ASIC2: variants seen among roughly 807,000 people sequenced by gnomAD.
ASIC2 encodes acid sensing ion channel subunit 2, also known as acid-sensing ion channel 2.
ASIC2 carries 25 observed loss-of-function variants against 57.3 expected under a neutral mutation model. That is an observed-to-expected ratio of 0.44 (90% confidence interval 0.32 to 0.61). ASIC2 has a LOEUF of 0.61. Ranked by LOEUF, ASIC2 falls within the 20% of genes least tolerant of loss-of-function variation. The pLI is 0.06. For synonymous variants in ASIC2, 319 were observed against 307.5 expected (o/e 1.04, Z -0.39); for missense variants, 641 against 738.1 (o/e 0.87, Z 1.52).
In ASIC2 at chr17:33,816,240, CT is replaced by C. The variant is rs752520069; in HGVS notation, c.555+339737del. 1.1e-4 allele frequency among the ~76,000 whole-genome samples: 16 copies of C among 152,090 alleles called. No homozygotes were observed. In the East Asian group the frequency reaches 1.7e-3, roughly 17 times the overall value. On this transcript the variant is annotated intron_variant, in intron 1 of 9. Coordinates refer to the ASIC2 transcript ENST00000359872. Reference sequence around the variant, plus strand: ...TTCTAATTTAATGCATTGCTATGGGCTTCTTTCCAGGGCACCTGCTTCTCAT... The same window carrying C: ...TTCTAATTTAATGCATTGCTATGGGCTCTTTCCAGGGCACCTGCTTCTCAT...
At chr17:34,058,081 G>A (rs550168361) in intron 1 of ASIC2, among the ~76,000 whole-genome samples, 1 of 152,270 alleles carries the variant, frequency 6.6e-6, no homozygotes, top group East Asian at 1.9e-4. Flanking sequence ...CCTTGTCCAA[G>A]AAGACTTGTC....
chr17:33,549,684 T>A (rs1304894032), intron 1 of ASIC2, among the ~76,000 whole-genome samples: 7 of 152,246 alleles, frequency 4.6e-5, no homozygotes, highest in African/African-American at 1.7e-4. Flanking sequence ...CTTTCCTGGG[T>A]TCTAAATCTA....
chr17:33,696,178 A>G (rs1908520342), intron 1 of ASIC2, among the ~76,000 whole-genome samples: 1 of 152,064 alleles, frequency 6.6e-6, no homozygotes. Context: ...AAGGAGGCAC[A>G]TTTTCCTTTT....
intron 1 of ASIC2, among the ~76,000 whole-genome samples, chr17:33,264,781 A>G (rs916361015): frequency 1.3e-5 from 2 of 152,242 alleles, no homozygotes; most frequent in East Asian, 3.8e-4. Context: ...GGGTGCTGAT[A>G]GCATGAAATC....
intron 1 of ASIC2, among the ~76,000 whole-genome samples, chr17:33,538,473 TGGA>T (rs1915308301): frequency 6.6e-6 from 1 of 152,168 alleles, no homozygotes; most frequent in African/African-American, 2.4e-5. Flanking sequence ...ACTTACAGCA[TGGA>T]GGAGAACACC....
intron 1 of ASIC2, among the ~76,000 whole-genome samples, chr17:34,131,558 G>A (rs1911961258): frequency 6.6e-6 from 1 of 152,196 alleles, no homozygotes; most frequent in Non-Finnish European, 1.5e-5. Flanking sequence ...AGCCAGCCCT[G>A]ACTTACCCCT....
At chr17:33,448,956 T>C (rs536322551) in intron 1 of ASIC2, among the ~76,000 whole-genome samples, 2 of 152,312 alleles carry the variant, frequency 1.3e-5, no homozygotes, top group East Asian at 3.9e-4. Context: ...TGCTGCCTCT[T>C]AGTTATAGCA....
rs924121676 is a variant in ASIC2, at chr17:33,777,358, T to C, written c.555+378620A>G. Among the ~76,000 whole-genome samples the C allele has an allele frequency of 2.0e-5, 3 of 152,344 alleles. No individual in the cohort carries two copies. In the East Asian group the frequency reaches 5.8e-4, roughly 29 times the overall value. On this transcript the variant is annotated intron_variant, in intron 1 of 9. Coordinates refer to the ASIC2 transcript ENST00000359872. ...CAGCCTTCATCACAGAATAATTTAA[T>C]TGGTTCCTCATGATGGGTCATGATG...
intron 1 of ASIC2, chr17:34,041,431 T>C (rs911817571): frequency 8.5e-5 from 13 of 152,178 alleles, no homozygotes; most frequent in Admixed American, 6.5e-4. Flanking sequence ...AGAGGCAATA[T>C]GATCAAAGGG....
chr17:33,370,970 G>A (rs1909036565), intron 1 of ASIC2, among the ~76,000 whole-genome samples: 1 of 147,306 alleles, frequency 6.8e-6, no homozygotes, highest in Non-Finnish European at 1.5e-5. Flanking sequence ...AGGGTGTTCA[G>A]GAAAGTAAGA....
At chr17:33,685,066 G>T (rs1462464457) in intron 1 of ASIC2, among the ~76,000 whole-genome samples, 1 of 152,158 alleles carries the variant, frequency 6.6e-6, no homozygotes, top group African/African-American at 2.4e-5. Flanking sequence ...AGAAAGTCCT[G>T]CTAACTGCAT....
In ASIC2 at chr17:33,725,721, A is replaced by ACC. The variant is rs3064573; in HGVS notation, c.555+430255_555+430256dup. 4.2e-3 allele frequency among the ~76,000 whole-genome samples: 550 copies of ACC among 130,634 alleles called. 5 individuals carry two copies. The highest frequency in any genetic ancestry group is 0.023 in the East Asian group (87 of 3,724). The allele number at this position is 130,634 out of a possible 152,430, so 85.7% of individuals were successfully genotyped here. A position where few individuals can be genotyped will look rare whatever the true frequency, so the allele number is the denominator to read the frequency against. On this transcript the variant is annotated intron_variant, in intron 1 of 9. Coordinates refer to the ASIC2 transcript ENST00000359872. ...AATTGCATCGCATTACTATTAAGAA[A>ACC]CCCCCCCCCCCTTTTTTTATGCTTT...
chr17:33,806,626 C>T (rs1912274973), intron 1 of ASIC2, among the ~76,000 whole-genome samples: 1 of 152,208 alleles, frequency 6.6e-6, no homozygotes, highest in African/African-American at 2.4e-5. Context: ...GTGTCAAGCA[C>T]GGGCCTTCTG....
intron 1 of ASIC2, among the ~76,000 whole-genome samples, chr17:33,988,025 T>C (rs747707784): frequency 6.6e-6 from 1 of 152,174 alleles, no homozygotes; most frequent in Non-Finnish European, 1.5e-5. Flanking sequence ...GAAAACTTCC[T>C]GGAAGAAGTG....
At chr17:33,514,898 G>A (rs1198103912) in intron 1 of ASIC2, among the ~76,000 whole-genome samples, 5 of 152,244 alleles carry the variant, frequency 3.3e-5, no homozygotes, top group African/African-American at 7.2e-5. Flanking sequence ...GAGTCATCCC[G>A]TGTTATCCCC....
At chr17:33,981,949 T>A (rs1372013738) in intron 1 of ASIC2, among the ~76,000 whole-genome samples, 1 of 152,154 alleles carries the variant, frequency 6.6e-6, no homozygotes. Flanking sequence ...TAACCACTAC[T>A]ATCAGGGAGA....
intron 1 of ASIC2, among the ~76,000 whole-genome samples, chr17:33,972,903 C>T (rs988252973): frequency 5.3e-5 from 8 of 152,240 alleles, no homozygotes; most frequent in African/African-American, 1.9e-4. Flanking sequence ...TGCCAAGCTT[C>T]CTCCCTCTCT....
chr17:33,664,990 A>C (rs982157528), intron 1 of ASIC2, among the ~76,000 whole-genome samples: 9 of 152,244 alleles, frequency 5.9e-5, no homozygotes, highest in African/African-American at 1.9e-4. Flanking sequence ...TGACTCTTTG[A>C]AATATCCAAG....
intron 1 of ASIC2, among the ~76,000 whole-genome samples, chr17:33,445,259 C>G (rs1215942273): frequency 6.6e-6 from 1 of 152,044 alleles, no homozygotes; most frequent in African/African-American, 2.4e-5. Flanking sequence ...AAAACCCTGT[C>G]TCTACTAAAA....
Sources: gnomAD v4.1 joint callset for allele counts (sites outside exome capture counted in the v4.1 genomes callset) on GRCh38, gnomAD v4.1.1 for gene constraint, MANE v1.5 for transcripts, NCBI Gene and HGNC (gene_info 2026-07-23, HGNC 2026-07-21) for gene names.